GRK7: variants seen among roughly 807,000 people sequenced by gnomAD.
The protein encoded by GRK7 is G protein-coupled receptor kinase 7.
In GRK7, 24 loss-of-function variants were observed where a neutral mutation model predicts 34.1. The observed-to-expected ratio is 0.70, with a 90% CI of 0.51 to 0.99. The LOEUF is 0.99. Ranked by LOEUF, GRK7 falls within the 50% of genes least tolerant of loss-of-function variation. The probability of loss-of-function intolerance (pLI) is 0.00; values close to 1 mark genes in which losing one functional copy is unlikely to be tolerated. For missense variants in GRK7, 644 were observed against 707.3 expected, an observed-to-expected ratio of 0.91 and a Z score of 1.02; for synonymous variants, 256 against 279.4, an observed-to-expected ratio of 0.92 and a Z score of 0.84.
In GRK7 at chr3:141,816,943, G is replaced by A; in HGVS notation, c.1555G>A (p.Glu519Lys). Reference protein sequence around the residue: ...ATGAVPIAWQEEIIETGLFEE... With the variant: ...ATGAVPIAWQKEIIETGLFEE... ...AGGTGCTGTTCCTATAGCATGGCAG[G>A]AAGAAATTATAGAAACGGGACTGTT... The change falls in exon 6 of 6, where the codon GAA (glutamate) becomes AAA (lysine). Residue 519 changes from glutamate to lysine, a missense_variant. Glu to Lys is a moderately conservative substitution (Grantham distance 56). Transcript: ENST00000682958. 1.2e-6 allele frequency: 2 copies of A among 1,614,144 alleles called. No individual in the cohort carries two copies. Among genetic ancestry groups the A allele is most frequent in the South Asian group, 1.1e-5 (1 of 91,086 alleles).
intron 4 of GRK7, among the ~76,000 whole-genome samples, chr3:141,788,748 G>A (rs1439379806): frequency 6.6e-6 from 1 of 152,202 alleles, no homozygotes; most frequent in Non-Finnish European, 1.5e-5. Flanking sequence ...CATTCACCAT[G>A]TCTGCCCTCT....
intron 4 of GRK7, 115 bp downstream of exon 4, chr3:141,780,926 T>C: frequency 2.2e-6 from 2 of 918,540 alleles, no homozygotes; most frequent in Non-Finnish European, 3.3e-6. Context: ...TGGTTTTTTT[T>C]CCTAAAGCGC....
At chr3:141,781,532 G>A (rs2084672451) in intron 4 of GRK7, among the ~76,000 whole-genome samples, 1 of 139,882 alleles carries the variant, frequency 7.1e-6, no homozygotes, top group Non-Finnish European at 1.5e-5. Flanking sequence ...GCAAGACTCT[G>A]TCTCAAAAAA....
intron 4 of GRK7, among the ~76,000 whole-genome samples, chr3:141,793,647 A>T (rs1279094188): frequency 6.6e-6 from 1 of 152,178 alleles, no homozygotes; most frequent in African/African-American, 2.4e-5. Context: ...CTAAGGATGC[A>T]GTCAGTGACT....
intron 4 of GRK7, among the ~76,000 whole-genome samples, chr3:141,796,893 T>C (rs1710886282): frequency 6.6e-6 from 1 of 152,180 alleles, no homozygotes; most frequent in Non-Finnish European, 1.5e-5. Context: ...CAGCCGCTAA[T>C]ACATACTGTG....
intron 4 of GRK7, among the ~76,000 whole-genome samples, chr3:141,800,138 A>T (rs1433903331): frequency 6.6e-6 from 1 of 152,146 alleles, no homozygotes; most frequent in East Asian, 1.9e-4. Context: ...GGACCCAAGA[A>T]CATGAGGCCC....
At chr3:141,760,303 T>A (rs867898118), upstream of GRK7, among the ~76,000 whole-genome samples, 403 of 124,932 alleles carry the variant, frequency 3.2e-3, 2 homozygotes, top group African/African-American at 0.012. Flanking sequence ...CCAGAGATTC[T>A]GGTATGTTGT....
chr3:141,774,726 T>C (rs2084631154), intron 2 of GRK7, among the ~76,000 whole-genome samples, 46 bp downstream of exon 2: 1 of 151,814 alleles, frequency 6.6e-6, no homozygotes, highest in African/African-American at 2.4e-5. Context: ...ATTATCATTT[T>C]ATAACTTCTA....
intron 4 of GRK7, among the ~76,000 whole-genome samples, chr3:141,783,056 A>T (rs2084679621): frequency 6.6e-6 from 1 of 152,196 alleles, no homozygotes; most frequent in Admixed American, 6.5e-5. Flanking sequence ...GTGCTGCAAG[A>T]TGGCTGCTGT....
chr3:141,768,380 T>G (rs1330707103), intron 1 of GRK7, among the ~76,000 whole-genome samples: 1 of 151,402 alleles, frequency 6.6e-6, no homozygotes, highest in African/African-American at 2.4e-5. Flanking sequence ...CGGGTTCCAG[T>G]GATTCTCCAG....
intron 4 of GRK7, among the ~76,000 whole-genome samples, chr3:141,792,230 C>T (rs2084727877): frequency 1.3e-5 from 2 of 151,912 alleles, no homozygotes; most frequent in South Asian, 4.2e-4. Context: ...TGGTGAAACC[C>T]TGTCTCTACT....
At chr3:141,809,488 A>G (rs1711071653) in intron 5 of GRK7, among the ~76,000 whole-genome samples, 1 of 152,184 alleles carries the variant, frequency 6.6e-6, no homozygotes, top group African/African-American at 2.4e-5. Flanking sequence ...GCTTGAGCCC[A>G]GGAGTTCAAG....
intron 3 of GRK7, 125 bp from the exon 4 acceptor site, chr3:141,780,249 T>C: frequency 1.3e-6 from 1 of 784,382 alleles, no homozygotes; most frequent in Non-Finnish European, 2.0e-6. Context: ...AGAACACTTC[T>C]TATTTACAGC....
intron 4 of GRK7, among the ~76,000 whole-genome samples, chr3:141,804,061 T>C (rs920977049): frequency 6.6e-6 from 1 of 152,204 alleles, no homozygotes; most frequent in African/African-American, 2.4e-5. Context: ...ATCATTAACA[T>C]TTTACTAGAT....
At chr3:141,786,118 G>A (rs1008686965) in intron 4 of GRK7, among the ~76,000 whole-genome samples, 2 of 152,100 alleles carry the variant, frequency 1.3e-5, no homozygotes, top group Admixed American at 1.3e-4. Flanking sequence ...TAGCAGCAAA[G>A]GAGGCTGAAA....
chr3:141,778,510 A>G lies in GRK7; in HGVS notation c.226A>G (p.Thr76Ala). The G allele has an allele frequency of 2.5e-6, 4 of 1,613,334 alleles. No individual in the cohort carries two copies. The highest frequency in any genetic ancestry group is 3.4e-6 in the Non-Finnish European group (4 of 1,179,966). Residue 76 changes from threonine to alanine, a missense_variant, in exon 3 of 6, where the codon ACA becomes GCA. Transcript: ENST00000682958. The surrounding 1 kb of genome is among the most constrained non-coding windows in gnomAD (Gnocchi z 4.1). Reference protein sequence around the residue: ...GRRLFRDFLATVPTFRKAATF... With the variant: ...GRRLFRDFLAAVPTFRKAATF... ...CCGCCTCTTCCGTGACTTCCTAGCC[A>G]CAGTGCCCACGTTCCGCAAGGCGGC...
Position 141,778,289 on chromosome 3 carries a change from T to C in GRK7, c.5T>C (p.Val2Ala). The C allele has an allele frequency of 6.4e-7, 1 of 1,563,432 alleles. No homozygotes were observed. Among genetic ancestry groups the C allele is most frequent in the South Asian group, 1.2e-5 (1 of 83,364 alleles). The change falls in exon 3 of 6, where the codon GTG (valine) becomes GCG (alanine). Residue 2 changes from valine to alanine, a missense_variant. By Grantham distance (64) the Val-to-Ala change is moderately conservative. Coordinates refer to ENST00000682958, the MANE Select transcript of GRK7 (RefSeq NM_139209.3). The surrounding 1 kb of genome is among the most constrained non-coding windows in gnomAD (Gnocchi z 4.1). The stretch of plus-strand genomic sequence containing the variant: ...GAGTGCGCCCCGTGCTCAGCCATGG[T>C]GGACATGGGGGCCCTGGACAACCTG... M[V>A]DMGALDNLIA...
At chr3:141,776,738 C>T (rs1358731100) in intron 2 of GRK7, among the ~76,000 whole-genome samples, 1 of 152,226 alleles carries the variant, frequency 6.6e-6, no homozygotes, top group Non-Finnish European at 1.5e-5. Context: ...ACTATGTTTT[C>T]ACAAAGTGTA....
chr3:141,807,529 C>T, intron 4 of GRK7, 116 bp from the exon 5 acceptor site: 1 of 930,784 alleles, frequency 1.1e-6, no homozygotes, highest in Non-Finnish European at 1.6e-6. Context: ...ATTAGGGTTC[C>T]CTCAACAAGG....
Sources: allele counts gnomAD v4.1 joint callset (sites outside exome capture counted in the v4.1 genomes callset), GRCh38; gene constraint gnomAD v4.1.1; non-coding constraint Gnocchi (gnomAD v3.1); transcripts MANE v1.5; gene names NCBI Gene and HGNC (gene_info 2026-07-23, HGNC 2026-07-21).